The following RIMS1 variants were observed in gnomAD, a reference collection of about 807,000 sequenced individuals.
RIMS1 encodes the protein regulating synaptic membrane exocytosis 1.
A neutral mutation model predicts 214.1 loss-of-function variants in RIMS1; 83 were observed. That is an observed-to-expected ratio of 0.39 (90% CI 0.32 to 0.47). The LOEUF is 0.47. Among genes scored for constraint, RIMS1 ranks in the 20% least tolerant of loss-of-function variants. The pLI is 0.99. For missense variants in RIMS1, 2,050 were observed against 2,161.8 expected, an observed-to-expected ratio of 0.95 and a Z score of 1.03; for synonymous variants, 793 against 786.8, an observed-to-expected ratio of 1.01 and a Z score of -0.13.
intron 4 of RIMS1, among the ~76,000 whole-genome samples, chr6:72,164,541 T>C (rs2045989142): frequency 6.6e-6 from 1 of 152,126 alleles, no homozygotes; most frequent in South Asian, 2.1e-4. Flanking sequence ...TCCACAAAAG[T>C]TTGTATTTTT....
Position 72,160,653 on chromosome 6 carries a change from G to A in RIMS1, c.472-18922G>A, listed in dbSNP as rs1377316471. 2.1e-5 allele frequency among the ~76,000 whole-genome samples: 3 copies of A among 140,756 alleles called. 1 individual carries two copies. The highest frequency in any genetic ancestry group is 4.8e-5 in the Non-Finnish European group (3 of 62,018). The allele number at this position is 140,756 out of a possible 152,430, so 92.3% of individuals were successfully genotyped here. On this transcript the variant is annotated intron_variant, in intron 4 of 33. Transcript: ENST00000521978. ...TCTATTGAGATAATCTTGTGGTTTT[G>A]TCATTGGTTCTGTTTATATGCTGGC...
intron 2 of RIMS1, among the ~76,000 whole-genome samples, chr6:72,092,248 C>T (rs1273848381): frequency 6.6e-6 from 1 of 152,104 alleles, no homozygotes; most frequent in Middle Eastern, 3.4e-3. Flanking sequence ...GAGGAATGCC[C>T]TCTCTCCCTT....
At chr6:72,270,316 C>T (rs1450602936) in intron 22 of RIMS1, among the ~76,000 whole-genome samples, 1 of 152,066 alleles carries the variant, frequency 6.6e-6, no homozygotes, top group East Asian at 1.9e-4. Flanking sequence ...ATAATTAGAA[C>T]AGACAATAAA....
At chr6:72,118,878 G>C (rs897493713) in intron 4 of RIMS1, among the ~76,000 whole-genome samples, 5 of 151,610 alleles carry the variant, frequency 3.3e-5, no homozygotes, top group Non-Finnish European at 7.4e-5. Flanking sequence ...TACTGAGTGG[G>C]GAAAAGTTGA....
rs527350126 is a variant in RIMS1, at chr6:72,073,142, T to G, written c.246-23807T>G. Among the ~76,000 whole-genome samples the G allele has an allele frequency of 1.1e-3, 173 of 152,308 alleles. 1 individual carries two copies. Among genetic ancestry groups the G allele is most frequent in the Non-Finnish European group, 2.1e-3 (143 of 68,020 alleles). On this transcript the variant is annotated intron_variant, in intron 2 of 33. Coordinates refer to ENST00000521978, the MANE Select transcript of RIMS1 (RefSeq NM_014989.7). Reference sequence around the variant, plus strand: ...TCTCTTTAAACCTGTGCTCCTTTCTTGAGCAGCATTTGTATTTTTGTCATC... The same window carrying G: ...TCTCTTTAAACCTGTGCTCCTTTCTGGAGCAGCATTTGTATTTTTGTCATC...
intron 29 of RIMS1, among the ~76,000 whole-genome samples, chr6:72,362,773 G>A (rs921070659): frequency 6.6e-6 from 1 of 152,062 alleles, no homozygotes; most frequent in Non-Finnish European, 1.5e-5. Context: ...ATTTATTTAT[G>A]TCATTTTCCC....
chr6:72,228,316 G>C (rs190491269), intron 6 of RIMS1, among the ~76,000 whole-genome samples: 3 of 151,834 alleles, frequency 2.0e-5, no homozygotes, highest in African/African-American at 7.2e-5. Context: ...CGTTTCCCCT[G>C]TTCCCCATCT....
chr6:71,985,502 C>A (rs1048499138), intron 2 of RIMS1, among the ~76,000 whole-genome samples: 2 of 152,104 alleles, frequency 1.3e-5, no homozygotes, highest in African/African-American at 2.4e-5. Context: ...GAGTTATGTA[C>A]GTCCATTATA....
At chr6:72,364,158 T>C (rs1299397514) in intron 29 of RIMS1, among the ~76,000 whole-genome samples, 3 of 152,202 alleles carry the variant, frequency 2.0e-5, no homozygotes, top group Admixed American at 6.5e-5. Flanking sequence ...GCTTTCCTGT[T>C]TTTCTGCCCT....
chr6:72,045,242 T>C (rs1487265872), intron 2 of RIMS1, among the ~76,000 whole-genome samples: 1 of 151,930 alleles, frequency 6.6e-6, no homozygotes, highest in Non-Finnish European at 1.5e-5. Flanking sequence ...TAATGTTTTA[T>C]ATCTTTATTG....
chr6:72,007,190 C>T (rs537497280), intron 2 of RIMS1, among the ~76,000 whole-genome samples: 5 of 152,292 alleles, frequency 3.3e-5, no homozygotes, highest in East Asian at 3.9e-4. Context: ...CTGCAGCCTC[C>T]GCTGCTGATA....
chr6:72,163,275 T>C (rs2045742592), intron 4 of RIMS1, among the ~76,000 whole-genome samples: 1 of 140,236 alleles, frequency 7.1e-6, no homozygotes, highest in African/African-American at 2.5e-5. Flanking sequence ...TTATTCTAGT[T>C]AGCCATTTGT....
At chr6:72,063,164 A>G (rs1454740816) in intron 2 of RIMS1, among the ~76,000 whole-genome samples, 1 of 152,166 alleles carries the variant, frequency 6.6e-6, no homozygotes, top group African/African-American at 2.4e-5. Context: ...GAGTTATCAC[A>G]CTAAAAGGGA....
intron 6 of RIMS1, among the ~76,000 whole-genome samples, chr6:72,220,441 G>C (rs1412836691): frequency 1.3e-5 from 2 of 152,004 alleles, no homozygotes; most frequent in East Asian, 3.8e-4. Context: ...CATAACTCAG[G>C]TTTATAATCC....
At position 72,124,435 on chromosome 6, in the gene RIMS1, C is replaced by T. The variant is rs140728589; in HGVS notation, c.471+24449C>T. 2.9e-3 allele frequency among the ~76,000 whole-genome samples: 448 copies of T among 151,888 alleles called. 2 individuals are homozygous for T. The highest frequency in any genetic ancestry group is 1.0e-2 in the African/African-American group (414 of 41,502). Reference sequence around the variant, plus strand: ...TTCCTTCATTTCAACCTTGGTGAATCTGACAATTATGTGTGTGTCTTGGGG... The same window carrying T: ...TTCCTTCATTTCAACCTTGGTGAATTTGACAATTATGTGTGTGTCTTGGGG... On this transcript the variant is annotated intron_variant, in intron 4 of 33. Transcript: ENST00000521978.
intron 23 of RIMS1, among the ~76,000 whole-genome samples, chr6:72,283,776 T>G (rs1048098859): frequency 1.3e-5 from 2 of 152,182 alleles, no homozygotes; most frequent in Non-Finnish European, 2.9e-5. Flanking sequence ...ATTAGATCAT[T>G]GTTGTAGACG....
rs575539628 is a variant in RIMS1, at chr6:72,091,709, A to C, written c.246-5240A>C. On this transcript the variant is annotated intron_variant, in intron 2 of 33. Transcript: ENST00000521978. ...TTATATAGTGAAACAATGAAAAAAA[A>C]CAGAACCTCATATCCTGGGAGAAAG... is the stretch of plus-strand genomic sequence containing the variant. 3.7e-3 allele frequency among the ~76,000 whole-genome samples: 559 copies of C among 152,324 alleles called. 4 individuals are homozygous for C. The highest frequency in any genetic ancestry group is 6.7e-3 in the Non-Finnish European group (453 of 68,024).
At chr6:72,251,547 G>A (rs1243003632) in intron 15 of RIMS1, among the ~76,000 whole-genome samples, 179 bp downstream of exon 15, 1 of 152,090 alleles carries the variant, frequency 6.6e-6, no homozygotes, top group African/African-American at 2.4e-5. Context: ...TGAAAATAAT[G>A]TAGATAGCAT....
intron 26 of RIMS1, among the ~76,000 whole-genome samples, chr6:72,303,100 C>T (rs2094796014): frequency 6.6e-6 from 1 of 150,668 alleles, no homozygotes; most frequent in Non-Finnish European, 1.5e-5. Context: ...AAATTATAAG[C>T]GTTCTAAACT....
Sources: allele counts gnomAD v4.1 joint callset (sites outside exome capture counted in the v4.1 genomes callset), GRCh38; gene constraint gnomAD v4.1.1; transcripts MANE v1.5; gene names NCBI Gene and HGNC (gene_info 2026-07-23, HGNC 2026-07-21).